Variants in RNF180 observed in about 807,000 individuals in gnomAD.
RNF180 encodes the protein E3 ubiquitin-protein ligase RNF180.
A neutral mutation model predicts 59.2 loss-of-function variants in RNF180; 38 were observed. The ratio of observed to expected loss-of-function variants is 0.64; its 90% CI spans 0.50 to 0.84. The LOEUF (loss-of-function observed/expected upper bound fraction) is 0.84, where lower values mean the gene tolerates loss of function less well. Ranked by LOEUF, RNF180 falls within the 40% of genes least tolerant of loss-of-function variation. The pLI is 0.00. For missense variants in RNF180, 705 were observed against 700.9 expected (o/e 1.01, Z -0.07); for synonymous variants, 262 against 240.3 (o/e 1.09, Z -0.84).
chr5:64,223,724 A>G (rs960948201), intron 5 of RNF180, among the ~76,000 whole-genome samples: 4 of 152,012 alleles, frequency 2.6e-5, no homozygotes, highest in African/African-American at 9.7e-5. Context: ...ACTATCATAT[A>G]TCTTTATTCT....
chr5:64,197,893 A>G lies in RNF180; in HGVS notation c.1-2915A>G, dbSNP rs115342098. 4.6e-3 allele frequency among the ~76,000 whole-genome samples: 707 copies of G among 152,292 alleles called. 5 individuals are homozygous for G. Among genetic ancestry groups the G allele is most frequent in the African/African-American group, 0.016 (683 of 41,558 alleles). On this transcript the variant is annotated intron_variant, in intron 1 of 7. Transcript: ENST00000389100. ...GAAACATTGAATTAGAATCTCTTAG[A>G]TTGTGGCCCACTGACTTGCATTTAA... is the stretch of plus-strand genomic sequence containing the variant.
chr5:64,239,230 G>T (rs1742643067), intron 5 of RNF180, among the ~76,000 whole-genome samples: 1 of 152,102 alleles, frequency 6.6e-6, no homozygotes, highest in Admixed American at 6.5e-5. Flanking sequence ...TAGATAAGTG[G>T]CATTGGCATC....
intron 1 of RNF180, among the ~76,000 whole-genome samples, chr5:64,193,092 T>C (rs756464198): frequency 3.3e-5 from 5 of 151,526 alleles, no homozygotes; most frequent in South Asian, 2.1e-4. Flanking sequence ...GTCAAACTCA[T>C]AGATGCAGGG....
chr5:64,215,277 T>G (rs1452169598), intron 4 of RNF180, among the ~76,000 whole-genome samples: 1 of 152,150 alleles, frequency 6.6e-6, no homozygotes, highest in African/African-American at 2.4e-5. Flanking sequence ...CAAATTGACT[T>G]TATTATCTAC....
At chr5:64,308,304 A>G (rs551378346) in intron 5 of RNF180, among the ~76,000 whole-genome samples, 16 of 151,884 alleles carry the variant, frequency 1.1e-4, no homozygotes, top group African/African-American at 3.9e-4. Context: ...TGACATGCAC[A>G]GAACAGCAAA....
At chr5:64,264,712 G>A (rs1004241610) in intron 5 of RNF180, among the ~76,000 whole-genome samples, 1 of 152,150 alleles carries the variant, frequency 6.6e-6, no homozygotes, top group Admixed American at 6.6e-5. Context: ...TGTCTCTATA[G>A]TAGAATGATT....
intron 1 of RNF180, among the ~76,000 whole-genome samples, chr5:64,179,538 C>G (rs1750454130): frequency 6.6e-6 from 1 of 152,058 alleles, no homozygotes; most frequent in African/African-American, 2.4e-5. Context: ...GTGTATATTT[C>G]TGCAGCCTTT....
intron 5 of RNF180, among the ~76,000 whole-genome samples, chr5:64,230,658 A>G (rs1413056687): frequency 6.6e-6 from 1 of 152,198 alleles, no homozygotes; most frequent in Admixed American, 6.5e-5. Flanking sequence ...TGCCATTTAC[A>G]GGTTCCAGAG....
intron 7 of RNF180, among the ~76,000 whole-genome samples, chr5:64,364,262 C>T (rs1341467516): frequency 1.5e-4 from 23 of 151,578 alleles, no homozygotes; most frequent in Admixed American, 1.5e-3. Flanking sequence ...CCTTCAATGC[C>T]TAGTTGGTTG....
rs1746595978 is a variant in RNF180 at position 64,369,788 on chromosome 5, C to G, written c.1753C>G (p.Leu585Val). The change falls in exon 8 of 8, where the codon CTT becomes GTT. Residue 585 changes from leucine to valine, a missense_variant. By Grantham distance (32) the Leu-to-Val change is conservative (BLOSUM62 1). Transcript: ENST00000389100. ...CATTGGATTCATTGTTTTCTGCTTTCTTTGCTATTTTTTCTTTCCGTTTTA... is the reference window on the plus strand; with the variant it reads ...CATTGGATTCATTGTTTTCTGCTTTGTTTGCTATTTTTTCTTTCCGTTTTA... ...WVIGFIVFCF[L>V]CYFFFPF The G allele has an allele frequency of 1.3e-6, 2 of 1,519,918 alleles. No individual in the cohort carries two copies. The highest frequency in any genetic ancestry group is 2.3e-5 in the Admixed American group (1 of 43,290). The allele number at this position is 1,519,918 out of a possible 1,614,324, so 94.2% of individuals were successfully genotyped here.
At chr5:64,240,391 TGAG>T (rs1176449116) in intron 5 of RNF180, among the ~76,000 whole-genome samples, 1 of 152,220 alleles carries the variant, frequency 6.6e-6, no homozygotes, top group Non-Finnish European at 1.5e-5. Context: ...TATGCCTAAA[TGAG>T]GAGGACATAA....
intron 5 of RNF180, among the ~76,000 whole-genome samples, chr5:64,232,072 T>C (rs570868060): frequency 6.6e-6 from 1 of 152,344 alleles, no homozygotes; most frequent in Admixed American, 6.5e-5. Context: ...GTTGTCATAC[T>C]AAGTGCCAGA....
intron 7 of RNF180, 70 bp downstream of exon 7, chr5:64,330,476 C>T (rs1313921004): frequency 2.2e-6 from 3 of 1,355,942 alleles, no homozygotes; most frequent in African/African-American, 1.5e-5. Context: ...AAGTAACTTC[C>T]TGCTGTCTCA....
chr5:64,370,540 A>G lies in RNF180; in HGVS notation c.*726A>G, dbSNP rs551758164. 1 of 151,852 alleles carries G rather than the reference A, an allele frequency of 6.6e-6. No individual in the cohort carries two copies. The highest frequency in any genetic ancestry group is 2.1e-4 in the South Asian group (1 of 4,830). The allele number at this position is 151,852 out of a possible 1,614,324, so 9.4% of individuals were successfully genotyped here. ...TTTTAGTAGTCTAAAAGAGCAATGC[A>G]TGGTCCAAAATGTAATTTAGTGATT... On this transcript the variant is annotated 3_prime_UTR_variant, in exon 8 of 8. Coordinates refer to ENST00000389100, the MANE Select transcript of RNF180 (RefSeq NM_001113561.2).
chr5:64,299,407 C>G (rs917806883), intron 5 of RNF180, among the ~76,000 whole-genome samples: 1 of 151,840 alleles, frequency 6.6e-6, no homozygotes, highest in African/African-American at 2.4e-5. Context: ...CAAATAGACA[C>G]CAGTTAAACA....
chr5:64,223,597 A>G (rs1741483046), intron 5 of RNF180, among the ~76,000 whole-genome samples: 1 of 152,204 alleles, frequency 6.6e-6, no homozygotes, highest in Non-Finnish European at 1.5e-5. Context: ...CTAGTATGTG[A>G]TAATAGACCT....
At chr5:64,241,466 C>G (rs1742802190) in intron 5 of RNF180, among the ~76,000 whole-genome samples, 1 of 152,168 alleles carries the variant, frequency 6.6e-6, no homozygotes, top group Non-Finnish European at 1.5e-5. Flanking sequence ...AGTCTTGCAG[C>G]CTACAAGTTC....
intron 5 of RNF180, among the ~76,000 whole-genome samples, chr5:64,275,778 G>GTACA (rs1407333456): frequency 6.6e-6 from 1 of 151,812 alleles, no homozygotes; most frequent in Non-Finnish European, 1.5e-5. Context: ...TAGCCCTCCA[G>GTACA]GTCACTGTAC....
intron 5 of RNF180, among the ~76,000 whole-genome samples, chr5:64,220,298 CT>C (rs1319389803): frequency 6.6e-6 from 1 of 150,634 alleles, no homozygotes; most frequent in East Asian, 1.9e-4. Context: ...TTTATTTGTC[CT>C]TCTTTTATAA....
Sources: allele counts gnomAD v4.1 joint callset (sites outside exome capture counted in the v4.1 genomes callset), GRCh38; gene constraint gnomAD v4.1.1; transcripts MANE v1.5; gene names NCBI Gene and HGNC (gene_info 2026-07-23, HGNC 2026-07-21).